Variants in OGDH observed in about 807,000 individuals in gnomAD.
OGDH encodes oxoglutarate dehydrogenase, also known as 2-oxoglutarate dehydrogenase complex component E1.
A neutral mutation model predicts 116.6 loss-of-function variants in OGDH; 38 were observed. That is an observed-to-expected ratio of 0.33 (90% CI 0.25 to 0.43). The LOEUF (loss-of-function observed/expected upper bound fraction) is 0.43, where lower values mean the gene tolerates loss of function less well. OGDH is among the 20% of genes least tolerant of loss of function. OGDH has a pLI of 1.00. For missense variants in OGDH, 825 were observed against 1,357.2 expected (o/e 0.61, Z 6.16); for synonymous variants, 488 against 533.3 (o/e 0.92, Z 1.17).
Position 44,694,652 on chromosome 7 carries a change from G to C in OGDH, c.1668+76G>C. On this transcript the variant is annotated intron_variant, in intron 12 of 22. Coordinates refer to ENST00000222673, the MANE Select transcript of OGDH (RefSeq NM_002541.4). The surrounding 1 kb of genome is among the most constrained non-coding windows in gnomAD (Gnocchi z 4.2). ...CTAGAAAAGGTGGGCCACAGGGCCA[G>C]TTCTCACTTTTGCCAGTTATGAGGA... 1 of 1,557,596 alleles carries C rather than the reference G, an allele frequency of 6.4e-7. No individual in the cohort carries two copies. Among genetic ancestry groups the C allele is most frequent in the Non-Finnish European group, 8.8e-7 (1 of 1,135,602 alleles).
rs759170384 is a variant in OGDH at position 44,681,776 on chromosome 7, C to T, written c.1263C>T (p.Tyr421=). 2.1e-5 allele frequency: 34 copies of T among 1,613,978 alleles called. No homozygotes were observed. The East Asian group carries it at 4.9e-4, about 23-fold the overall frequency. Residue 421 remains tyrosine, a synonymous_variant, in exon 10 of 23, where the codon TAC becomes TAT. Transcript: ENST00000222673. ...CATTTGCTGGCCAGGGCATTGTGTACGAGACCTTCCACCTCAGCGACCTGC... is the reference window on the plus strand; with the variant it reads ...CATTTGCTGGCCAGGGCATTGTGTATGAGACCTTCCACCTCAGCGACCTGC... ...DAAFAGQGIV[Y]ETFHLSDLPS... is the part of the protein sequence containing the mutation.
rs548991407 is a variant in OGDH at position 44,612,466 on chromosome 7, C to G, written c.-28+5813C>G. On this transcript the variant is annotated intron_variant, in intron 1 of 22. Coordinates refer to ENST00000222673, the MANE Select transcript of OGDH (RefSeq NM_002541.4). Reference sequence around the variant, plus strand: ...GGGCATGATCTCGGCTCACTGCAACCTCTGCATCCTGGGTTCAAGCGATTC... The same window carrying G: ...GGGCATGATCTCGGCTCACTGCAACGTCTGCATCCTGGGTTCAAGCGATTC... 2.0e-5 allele frequency among the ~76,000 whole-genome samples: 3 copies of G among 151,376 alleles called. No individual in the cohort carries two copies. In the South Asian group the frequency reaches 6.3e-4, roughly 32 times the overall value.
chr7:44,674,343 C>T lies in OGDH; in HGVS notation c.789-68C>T. On this transcript the variant is annotated intron_variant, in intron 6 of 22. Coordinates refer to ENST00000222673, the MANE Select transcript of OGDH (RefSeq NM_002541.4). ...TACAGGTGTGAGCCTCCATGCCTGG[C>T]CAGAATCCCCTCTTTTTGGTCAGGA... is the stretch of plus-strand genomic sequence containing the variant. 11 of 1,598,234 alleles carry T rather than the reference C, an allele frequency of 6.9e-6. No individual in the cohort carries two copies. In the South Asian group the frequency reaches 1.2e-4, roughly 18 times the overall value.
At position 44,694,293 on chromosome 7, in the gene OGDH, TA is replaced by T. The variant is rs1253150540; in HGVS notation, c.1516-128del. 9 of 1,152,486 alleles carry T rather than the reference TA, an allele frequency of 7.8e-6. No homozygotes were observed. Among genetic ancestry groups the T allele is most frequent in the Non-Finnish European group, 1.1e-5 (9 of 825,560 alleles). 71.4% of individuals were successfully genotyped at this position (1,152,486 alleles called of 1,614,324 possible). A position where few individuals can be genotyped will look rare whatever the true frequency, so the allele number is the denominator to read the frequency against. Reference sequence around the variant, plus strand: ...CACAGAATCCTAATTCTAGAGAAGGTAAACTCCAGGGCAGGCATGAGGAATG... The same window carrying T: ...CACAGAATCCTAATTCTAGAGAAGGTAACTCCAGGGCAGGCATGAGGAATG... On this transcript the variant is annotated intron_variant, in intron 11 of 22. Transcript: ENST00000222673. This position sits in a 1 kb window ranked among gnomAD's most constrained non-coding sequence, Gnocchi z 4.2.
At position 44,697,812 on chromosome 7, in the gene OGDH, T is replaced by C. The variant is rs767258511; in HGVS notation, c.2358+30T>C. On this transcript the variant is annotated intron_variant, in intron 17 of 22. Transcript: ENST00000222673. This position sits in a 1 kb window ranked among gnomAD's most constrained non-coding sequence, Gnocchi z 6.0. ...GCCTCTGGCCCTTCCCTGCCAGACC[T>C]AGGACTTGGGAAGGGCCTGTGTAGG... The C allele has an allele frequency of 1.7e-5, 28 of 1,600,916 alleles. No homozygotes were observed. The Admixed American group carries it at 4.6e-4, about 26-fold the overall frequency.
chr7:44,633,252 CAAAAAAAAAAAAAA>C (rs1163808681), intron 2 of OGDH, among the ~76,000 whole-genome samples: 2 of 81,684 alleles, frequency 2.4e-5, no homozygotes, highest in East Asian at 6.3e-4. Flanking sequence ...GACTCTGTGT[CAAAAAAAAAAAAAA>C]AAAAAAAACC....
chr7:44,704,009 C>CTA (rs1788956778), intron 20 of OGDH, among the ~76,000 whole-genome samples: 1 of 152,308 alleles, frequency 6.6e-6, no homozygotes, highest in African/African-American at 2.4e-5. Context: ...AGAGGAGCTG[C>CTA]TATGAACATT....
chr7:44,654,091 G>A (rs1008482612), intron 4 of OGDH, among the ~76,000 whole-genome samples: 103 of 152,332 alleles, frequency 6.8e-4, no homozygotes, highest in African/African-American at 2.5e-3. Context: ...CTGAGCTCAA[G>A]TGATCCACCT....
rs144176951 is a variant in OGDH at position 44,689,352 on chromosome 7, A to G, written c.1336-4473A>G. Among the ~76,000 whole-genome samples the G allele has an allele frequency of 4.0e-3, 502 of 126,586 alleles. 4 individuals carry two copies. In the East Asian group the frequency reaches 0.043, roughly 11 times the overall value. 83.0% of individuals were successfully genotyped at this position (126,586 alleles called of 152,430 possible). Reference sequence around the variant, plus strand: ...TGCCTCAGTTTCCCAAGTAGCTGGGATTACAGGCACGCACCACCACTCCCA... The same window carrying G: ...TGCCTCAGTTTCCCAAGTAGCTGGGGTTACAGGCACGCACCACCACTCCCA... On this transcript the variant is annotated intron_variant, in intron 10 of 22. Transcript: ENST00000222673.
chr7:44,650,062 A>T (rs1005523567), intron 4 of OGDH, among the ~76,000 whole-genome samples: 15 of 150,980 alleles, frequency 9.9e-5, no homozygotes, highest in Admixed American at 1.3e-4. Context: ...ACTGAGAGAG[A>T]GAGTCAGGGA....
intron 4 of OGDH, among the ~76,000 whole-genome samples, chr7:44,648,601 G>A (rs1049088748): frequency 6.6e-6 from 1 of 152,142 alleles, no homozygotes; most frequent in Non-Finnish European, 1.5e-5. Flanking sequence ...CTCCTCTTGG[G>A]ATGGGTACGA....
chr7:44,608,242 AAAT>A (rs1229870091), intron 1 of OGDH, among the ~76,000 whole-genome samples: 1 of 152,100 alleles, frequency 6.6e-6, no homozygotes, highest in African/African-American at 2.4e-5. Flanking sequence ...CGTCTACAAA[AAAT>A]AAAATTATCC....
rs1159773572 is a variant in OGDH, at chr7:44,662,445, CTTTCT to C, written c.518-4272_518-4268del. 4.9e-3 allele frequency among the ~76,000 whole-genome samples: 729 copies of C among 148,236 alleles called. 3 individuals carry two copies. The highest frequency in any genetic ancestry group is 8.4e-3 in the Non-Finnish European group (567 of 67,260). The stretch of plus-strand genomic sequence containing the variant: ...GGTCCTGAAAAGTGTTGTGCCATTT[CTTTCT>C]TTTCTTTTCTTTTCTTTTTTTTTTT... On this transcript the variant is annotated intron_variant, in intron 4 of 22. Coordinates refer to ENST00000222673, the MANE Select transcript of OGDH (RefSeq NM_002541.4).
intron 2 of OGDH, among the ~76,000 whole-genome samples, chr7:44,626,506 G>A (rs1468917841): frequency 6.6e-6 from 1 of 152,180 alleles, no homozygotes; most frequent in Non-Finnish European, 1.5e-5. Context: ...TTTCAGTGAT[G>A]TTAGGATTTG....
At chr7:44,685,912 C>T (rs1015271892) in intron 10 of OGDH, among the ~76,000 whole-genome samples, 6 of 152,202 alleles carry the variant, frequency 3.9e-5, no homozygotes, top group Non-Finnish European at 8.8e-5. Flanking sequence ...GCATGAGCCA[C>T]TGTGCCTGAC....
At chr7:44,621,731 G>A (rs551634847) in intron 1 of OGDH, among the ~76,000 whole-genome samples, 60 of 152,208 alleles carry the variant, frequency 3.9e-4, no homozygotes, top group Non-Finnish European at 7.4e-4. Context: ...AATTAACCAG[G>A]TGTGATGGCA....
chr7:44,707,368 G>T lies in OGDH; in HGVS notation c.2776G>T (p.Ala926Ser), dbSNP rs1210479704. 1 of 1,614,130 alleles carries T rather than the reference G, an allele frequency of 6.2e-7. No homozygotes were observed. The highest frequency in any genetic ancestry group is 2.2e-5 in the East Asian group (1 of 44,898). Residue 926 changes from alanine (A) to serine (S), a missense_variant, in exon 21 of 23, where the codon GCC becomes TCC. Physicochemically the swap from Ala to Ser is moderately conservative, Grantham distance 99. Coordinates refer to ENST00000222673, the MANE Select transcript of OGDH (RefSeq NM_002541.4). The surrounding 1 kb of genome is among the most constrained non-coding windows in gnomAD (Gnocchi z 5.2). ...AGCACGCGACATGGTGGGGCAGGTG[G>T]CCATCACAAGGATTGAGCAGGTGAG... ...RKARDMVGQV[A>S]ITRIEQLSPF... is the part of the protein sequence containing the mutation.
intron 10 of OGDH, among the ~76,000 whole-genome samples, chr7:44,687,091 A>ATTTTTTTTTTTTTTTTTTT (rs59074567): frequency 1.0e-5 from 1 of 95,538 alleles, no homozygotes; most frequent in African/African-American, 4.3e-5. Flanking sequence ...ATTTTTTTTA[A>ATTTTTTTTTTTTTTTTTTT]TTTTTTTTTT....
At chr7:44,663,539 C>A (rs909965323) in intron 4 of OGDH, among the ~76,000 whole-genome samples, 1 of 152,132 alleles carries the variant, frequency 6.6e-6, no homozygotes, top group African/African-American at 2.4e-5. Context: ...GAGACTGAGG[C>A]GGGCAGATCA....
Sources: allele counts gnomAD v4.1 joint callset (sites outside exome capture counted in the v4.1 genomes callset), GRCh38; gene constraint gnomAD v4.1.1; non-coding constraint Gnocchi (gnomAD v3.1); transcripts MANE v1.5; gene names NCBI Gene and HGNC (gene_info 2026-07-23, HGNC 2026-07-21).